Variants in MYOM1 observed in about 807,000 individuals in gnomAD.
MYOM1 encodes the protein myomesin-1.
Under a neutral mutation model 205.3 loss-of-function variants are expected in MYOM1, and 164 were observed. The ratio of observed to expected loss-of-function variants is 0.80; its 90% CI spans 0.70 to 0.91. The LOEUF (loss-of-function observed/expected upper bound fraction) is 0.91. Among genes scored for constraint, MYOM1 ranks in the 40% least tolerant of loss-of-function variants. MYOM1 has a pLI of 0.00. For synonymous variants in MYOM1, 772 were observed against 789.4 expected (o/e 0.98, Z 0.37); for missense variants, 2,011 against 2,127.3 (o/e 0.95, Z 1.08).
At chr18:3,234,426 T>C in the MYOM1 span, among the ~76,000 whole-genome samples, 743 of 152,342 alleles carry the variant, frequency 4.9e-3, 7 homozygotes, top group African/African-American at 0.017. Context: ...AAACGTTCAT[T>C]GTCAAAACAT....
intron 29 of MYOM1, 48 bp from the exon 30 acceptor site, chr18:3,086,199 C>T: frequency 8.1e-7 from 1 of 1,227,350 alleles, no homozygotes; most frequent in Non-Finnish European, 1.1e-6. Flanking sequence ...AAAGTGTACT[C>T]TTGTGAAGTT....
chr18:3,085,226 CTGCTTTTTTTTTTTTTTTTTT>C, intron 30 of MYOM1, 94 bp from the exon 31 acceptor site: 2 of 203,000 alleles, frequency 9.9e-6, no homozygotes, highest in Non-Finnish European at 1.7e-5. Flanking sequence ...TCTGCTGCTG[CTGCTTTTTTTTTTTTTTTTTT>C]TTTTTTTTTT....
chr18:3,168,757 G>A (rs1010571502), intron 9 of MYOM1, 60 bp downstream of exon 9: 19 of 1,559,012 alleles, frequency 1.2e-5, no homozygotes, highest in Non-Finnish European at 1.5e-5. Flanking sequence ...AAACAGATCT[G>A]CAATCTGGTC....
chr18:3,214,922 C>A lies in MYOM1; in HGVS notation c.290+12G>T, dbSNP rs745817312. On this transcript the variant is annotated intron_variant, in intron 2 of 37. Coordinates refer to ENST00000356443, the MANE Select transcript of MYOM1 (RefSeq NM_003803.4). Reference sequence around the variant, plus strand: ...CTGAGGTTGGAAGGTTGGAGGAGGGCGTCCGACATACCCATGGGAGGAGCC... The same window carrying A: ...CTGAGGTTGGAAGGTTGGAGGAGGGAGTCCGACATACCCATGGGAGGAGCC... 1 of 1,568,860 alleles carries A rather than the reference C, an allele frequency of 6.4e-7. No homozygotes were observed. Among genetic ancestry groups the A allele is most frequent in the South Asian group, 1.2e-5 (1 of 84,594 alleles).
At chr18:3,091,835 G>C (rs558057847) in intron 26 of MYOM1, among the ~76,000 whole-genome samples, 3 of 151,850 alleles carry the variant, frequency 2.0e-5, no homozygotes, top group African/African-American at 7.2e-5. Flanking sequence ...AGGTTCAAGT[G>C]ATTCTGCTGC....
chr18:3,135,807 C>G lies in MYOM1; in HGVS notation c.2026-77G>C. The stretch of plus-strand genomic sequence containing the variant: ...ATCCAGGCCAGGCAACTCCAAGTTT[C>G]ATTCATCTGCAACAAACCACTCCCT... On this transcript the variant is annotated intron_variant, in intron 14 of 37. Coordinates refer to ENST00000356443, the MANE Select transcript of MYOM1 (RefSeq NM_003803.4). The surrounding 1 kb of genome is among the most constrained non-coding windows in gnomAD (Gnocchi z 4.1). 6.6e-7 allele frequency: 1 copy of G among 1,509,310 alleles called. No homozygotes were observed. The allele number at this position is 1,509,310 out of a possible 1,614,324, so 93.5% of individuals were successfully genotyped here.
In MYOM1 at chr18:3,214,867, G is replaced by C. The variant is rs144740717; in HGVS notation, c.290+67C>G. The C allele has an allele frequency of 1.1e-4, 157 of 1,471,538 alleles. 2 individuals are homozygous for C. The East Asian group carries it at 3.5e-3, about 33-fold the overall frequency. The allele number at this position is 1,471,538 out of a possible 1,614,324, so 91.2% of individuals were successfully genotyped here. ...AACCGAAACAAAGCGAGAAGTAACT[G>C]GGAGGGTTACTCAGAGCACACGCCT... On this transcript the variant is annotated intron_variant, in intron 2 of 37. Transcript: ENST00000356443.
Position 3,094,154 on chromosome 18 carries a change from A to T in MYOM1, c.3864+16T>A, listed in dbSNP as rs1395791532. On this transcript the variant is annotated intron_variant, in intron 26 of 37. Transcript: ENST00000356443. The stretch of plus-strand genomic sequence containing the variant: ...TACAATGATACATTAAAAAGTCTAA[A>T]CAGTGTAAAACCTACCGGGCCTTCA... The T allele has an allele frequency of 6.2e-7, 1 of 1,612,810 alleles. No homozygotes were observed. The highest frequency in any genetic ancestry group is 8.5e-7 in the Non-Finnish European group (1 of 1,179,196).
intron 10 of MYOM1, among the ~76,000 whole-genome samples, chr18:3,163,385 A>G (rs1331676501): frequency 6.6e-6 from 1 of 152,150 alleles, no homozygotes; most frequent in East Asian, 1.9e-4. Flanking sequence ...TGATGGAAAC[A>G]TGGTCTGGAA....
chr18:3,238,239 A>G, the MYOM1 span, among the ~76,000 whole-genome samples: 6 of 152,160 alleles, frequency 3.9e-5, no homozygotes, highest in African/African-American at 1.4e-4. Flanking sequence ...CGCAATGCAC[A>G]GTTCACAATA....
chr18:3,108,470 T>C (rs1323597887), intron 22 of MYOM1, among the ~76,000 whole-genome samples: 1 of 152,278 alleles, frequency 6.6e-6, no homozygotes, highest in East Asian at 1.9e-4. Flanking sequence ...AGGTACATGA[T>C]ACTCAAATGG....
Position 3,188,896 on chromosome 18 carries a change from G to T in MYOM1, c.623C>A (p.Ser208Tyr). ...ASKQSTASKQ[S>Y]TASRQSTASR... ...TGCCGTGGACTGCCTGGATGCCGTG[G>T]ACTGCTTGGATGCTGTGGACTGCTT... The change falls in exon 4 of 38, where the codon TCC (serine) becomes TAC (tyrosine). Residue 208 changes from serine (S) to tyrosine (Y), a missense_variant. Ser to Tyr is a moderately radical substitution (Grantham distance 144, BLOSUM62 -2). Transcript: ENST00000356443. 2 of 1,608,652 alleles carry T rather than the reference G, an allele frequency of 1.2e-6. No individual in the cohort carries two copies. Among genetic ancestry groups the T allele is most frequent in the Non-Finnish European group, 1.7e-6 (2 of 1,176,548 alleles).
chr18:3,072,054 AT>A lies in MYOM1; in HGVS notation c.4709-166del, dbSNP rs202209077. Among the ~76,000 whole-genome samples the A allele has an allele frequency of 0.02, 2,969 of 145,286 alleles. 79 individuals are homozygous for A. Among genetic ancestry groups the A allele is most frequent in the African/African-American group, 0.066 (2,612 of 39,760 alleles). ...AAAGAAAATGATCCAGGGATTCAGG[AT>A]TTTTTTTTTTTTTGAGACAGAGTCT... On this transcript the variant is annotated intron_variant, in intron 36 of 37. Transcript: ENST00000356443.
At chr18:3,245,796 G>A in the MYOM1 span, among the ~76,000 whole-genome samples, 2 of 152,102 alleles carry the variant, frequency 1.3e-5, no homozygotes. Context: ...CATCCCCTGG[G>A]GGACACCTTC....
At chr18:3,101,732 A>G (rs143353322) in intron 23 of MYOM1, among the ~76,000 whole-genome samples, 2 of 152,330 alleles carry the variant, frequency 1.3e-5, no homozygotes, top group African/African-American at 4.8e-5. Context: ...TTCATAGATA[A>G]TGAGAATCAT....
chr18:3,162,929 C>T (rs111477944), intron 10 of MYOM1, among the ~76,000 whole-genome samples: 30,798 of 150,870 alleles, frequency 0.2, 3,325 homozygotes, highest in East Asian at 0.36. Context: ...GGGAGGCTGA[C>T]GCAAGAGAAT....
the MYOM1 span, among the ~76,000 whole-genome samples, chr18:3,238,230 G>C: frequency 1.3e-5 from 2 of 152,030 alleles, no homozygotes; most frequent in African/African-American, 4.8e-5. Context: ...TAGATTCCTC[G>C]CAATGCACAG....
At chr18:3,148,840 CA>C (rs2080172478) in intron 13 of MYOM1, among the ~76,000 whole-genome samples, 6 of 82,230 alleles carry the variant, frequency 7.3e-5, no homozygotes, top group African/African-American at 3.0e-4. Flanking sequence ...AGCGAGACTC[CA>C]TCCAAAAAAA....
intron 13 of MYOM1, among the ~76,000 whole-genome samples, chr18:3,142,391 A>T (rs2080063457): frequency 6.6e-6 from 1 of 152,106 alleles, no homozygotes; most frequent in East Asian, 1.9e-4. Context: ...CCTTCCAAAC[A>T]GCTGGGACCA....
Sources: allele counts gnomAD v4.1 joint callset (sites outside exome capture counted in the v4.1 genomes callset), GRCh38; gene constraint gnomAD v4.1.1; non-coding constraint Gnocchi (gnomAD v3.1); transcripts MANE v1.5; gene names NCBI Gene and HGNC (gene_info 2026-07-23, HGNC 2026-07-21).